The following SUSD1 variants were observed in gnomAD, a reference collection of about 807,000 sequenced individuals.
SUSD1 encodes the protein sushi domain-containing protein 1.
SUSD1 carries 65 observed loss-of-function variants against 86.9 expected under a neutral mutation model. That is an observed-to-expected ratio of 0.75 (90% CI 0.61 to 0.92). SUSD1 has a LOEUF of 0.92. Ranked by LOEUF, SUSD1 falls within the 40% of genes least tolerant of loss-of-function variation. SUSD1 has a pLI of 0.00. For missense variants in SUSD1, 850 were observed against 929.7 expected (o/e 0.91, Z 1.11); for synonymous variants, 346 against 350.0 (o/e 0.99, Z 0.13).
intron 12 of SUSD1, among the ~76,000 whole-genome samples, chr9:112,072,094 C>T (rs1589610958): frequency 6.6e-6 from 1 of 150,390 alleles, no homozygotes; most frequent in South Asian, 2.1e-4. Flanking sequence ...AAGACATCTC[C>T]TTTTATTATT....
intron 3 of SUSD1, among the ~76,000 whole-genome samples, chr9:112,147,178 G>A (rs1005467787): frequency 3.3e-5 from 5 of 152,076 alleles, no homozygotes; most frequent in Admixed American, 6.6e-5. Context: ...CTGTCTGCTC[G>A]TCACCCTTCC....
intron 12 of SUSD1, among the ~76,000 whole-genome samples, chr9:112,069,532 C>T (rs1040204445): frequency 6.6e-6 from 1 of 152,176 alleles, no homozygotes; most frequent in African/African-American, 2.4e-5. Context: ...GATCGAACTG[C>T]CCTCAGGCCC....
intron 5 of SUSD1, among the ~76,000 whole-genome samples, chr9:112,131,473 A>G (rs1303020658): frequency 1.3e-5 from 2 of 152,182 alleles, no homozygotes; most frequent in Non-Finnish European, 1.5e-5. Flanking sequence ...ATGACATTAT[A>G]GTCTGGCCTG....
chr9:112,056,666 G>A (rs1828464475), intron 14 of SUSD1, among the ~76,000 whole-genome samples: 3 of 152,094 alleles, frequency 2.0e-5, no homozygotes, highest in African/African-American at 4.8e-5. Flanking sequence ...ATGAAAGAGA[G>A]TATCAATGAC....
chr9:112,152,130 G>A (rs1833074841), intron 2 of SUSD1, among the ~76,000 whole-genome samples: 1 of 151,124 alleles, frequency 6.6e-6, no homozygotes, highest in South Asian at 2.1e-4. Flanking sequence ...TTGAACCCAG[G>A]AGGCGGAGGT....
intron 14 of SUSD1, among the ~76,000 whole-genome samples, chr9:112,054,286 A>G (rs1354777976): frequency 6.6e-6 from 1 of 152,214 alleles, no homozygotes; most frequent in African/African-American, 2.4e-5. Context: ...TTCAATAGGG[A>G]AAAGACAGTT....
At chr9:112,045,987 C>T (rs1827939800) in intron 15 of SUSD1, among the ~76,000 whole-genome samples, 1 of 152,220 alleles carries the variant, frequency 6.6e-6, no homozygotes, top group South Asian at 2.1e-4. Flanking sequence ...CCAGCAGGAT[C>T]TACCTGGGCA....
intron 10 of SUSD1, among the ~76,000 whole-genome samples, chr9:112,095,960 A>G (rs1830379503): frequency 6.6e-6 from 1 of 152,202 alleles, no homozygotes; most frequent in Non-Finnish European, 1.5e-5. Context: ...ACGGGCATCA[A>G]GAAAGACCTA....
intron 3 of SUSD1, 142 bp downstream of exon 3, chr9:112,149,102 A>G: frequency 8.3e-7 from 1 of 1,210,410 alleles, no homozygotes; most frequent in Non-Finnish European, 1.2e-6. Context: ...ATCTCCCAAA[A>G]TAAGAATATT....
At position 112,157,547 on chromosome 9, in the gene SUSD1, C is replaced by G. The variant is rs931464235; in HGVS notation, c.170G>C (p.Cys57Ser). 1.9e-6 allele frequency: 3 copies of G among 1,614,060 alleles called. No homozygotes were observed. The highest frequency in any genetic ancestry group is 2.7e-5 in the African/African-American group (2 of 74,932). ...TCQQREGKKI[C>S]ICNYGFVGNG... ...CCCTACAAATCCATAGTTGCAAATACAGATCTTCTTCCCTTCTCTTTGCTG... is the reference window on the plus strand; with the variant it reads ...CCCTACAAATCCATAGTTGCAAATAGAGATCTTCTTCCCTTCTCTTTGCTG... Residue 57 changes from cysteine to serine, a missense_variant, in exon 2 of 17, where the codon TGT becomes TCT. By Grantham distance (112) the Cys-to-Ser change is moderately radical (BLOSUM62 -1). Coordinates refer to ENST00000374270, the MANE Select transcript of SUSD1 (RefSeq NM_022486.5).
intron 6 of SUSD1, among the ~76,000 whole-genome samples, chr9:112,120,131 C>T (rs550217832): frequency 1.1e-4 from 16 of 152,062 alleles, no homozygotes; most frequent in African/African-American, 1.9e-4. Context: ...GTGAGACACC[C>T]GTCTCTACAA....
intron 8 of SUSD1, among the ~76,000 whole-genome samples, chr9:112,106,287 A>T (rs550610982): frequency 2.0e-5 from 3 of 151,766 alleles, no homozygotes; most frequent in South Asian, 2.1e-4. Flanking sequence ...TTTTTTTTTT[A>T]AAAGAAAGTC....
At chr9:112,129,642 T>C (rs1379180796) in intron 5 of SUSD1, among the ~76,000 whole-genome samples, 1 of 152,202 alleles carries the variant, frequency 6.6e-6, no homozygotes, top group Non-Finnish European at 1.5e-5. Flanking sequence ...AAGCATTATC[T>C]ATACTGTTCA....
intron 8 of SUSD1, among the ~76,000 whole-genome samples, chr9:112,104,058 T>A (rs889429351): frequency 6.6e-6 from 1 of 151,942 alleles, no homozygotes; most frequent in Non-Finnish European, 1.5e-5. Context: ...TCTCTTTTTT[T>A]AAACAGGGTC....
chr9:112,086,973 T>TTA (rs926846477), intron 10 of SUSD1, among the ~76,000 whole-genome samples: 16 of 149,790 alleles, frequency 1.1e-4, no homozygotes, highest in South Asian at 4.2e-4. Flanking sequence ...AGTTTGTATT[T>TTA]TATATATATA....
rs568263827 is a variant in SUSD1 at position 112,067,392 on chromosome 9, G to A, written c.1754-4359C>T. ...CCATCCTGGGCCTTCCCAGTTCTGT[G>A]ATCCCACAGATTCCACATGCTTAAG... On this transcript the variant is annotated intron_variant, in intron 12 of 16. Transcript: ENST00000374270. 1.5e-3 allele frequency among the ~76,000 whole-genome samples: 231 copies of A among 152,350 alleles called. 1 individual carries two copies. The highest frequency in any genetic ancestry group is 0.01 in the Middle Eastern group (3 of 294).
At chr9:112,087,758 A>T (rs1239451043) in intron 10 of SUSD1, among the ~76,000 whole-genome samples, 1 of 152,218 alleles carries the variant, frequency 6.6e-6, no homozygotes. Context: ...ACACATGTAT[A>T]ATTAAATTAT....
chr9:112,078,453 A>G, intron 12 of SUSD1, 85 bp downstream of exon 12: 2 of 1,349,782 alleles, frequency 1.5e-6, no homozygotes, highest in South Asian at 2.9e-5. Flanking sequence ...ATAATGATAA[A>G]AAGCAACAGT....
At chr9:112,085,764 A>G (rs1462273264) in intron 10 of SUSD1, among the ~76,000 whole-genome samples, 2 of 152,172 alleles carry the variant, frequency 1.3e-5, no homozygotes, top group Non-Finnish European at 1.5e-5. Context: ...TATATTACCG[A>G]TCAGAGTTCC....
Sources: allele counts gnomAD v4.1 joint callset (sites outside exome capture counted in the v4.1 genomes callset), GRCh38; gene constraint gnomAD v4.1.1; transcripts MANE v1.5; gene names NCBI Gene and HGNC (gene_info 2026-07-23, HGNC 2026-07-21).